SETD5: variants seen among roughly 807,000 people sequenced by gnomAD.
The protein encoded by SETD5 is SET domain containing 5.
A neutral mutation model predicts 153.3 loss-of-function variants in SETD5; 44 were observed. That is an observed-to-expected ratio of 0.29 (90% CI 0.23 to 0.37). SETD5 has a LOEUF of 0.37. SETD5 is among the 10% of genes least tolerant of loss of function. The pLI is 1.00. For missense variants in SETD5, 1,544 were observed against 1,768.0 expected (o/e 0.87, Z 2.27); for synonymous variants, 716 against 645.2 (o/e 1.11, Z -1.66).
chr3:9,398,642 C>T (rs949557094), intron 1 of SETD5: 1 of 152,276 alleles, frequency 6.6e-6, no homozygotes, highest in Admixed American at 6.5e-5. Context: ...TGTCGTTTTA[C>T]TTGCCTTGGG....
intron 17 of SETD5, among the ~76,000 whole-genome samples, chr3:9,455,842 G>A (rs1559456387): frequency 1.3e-5 from 2 of 152,102 alleles, no homozygotes; most frequent in Non-Finnish European, 2.9e-5. Flanking sequence ...CTGGTTGGAA[G>A]GAAATTAGGA....
chr3:9,468,713 G>C, intron 18 of SETD5: 1 of 571,972 alleles, frequency 1.7e-6, no homozygotes, highest in Non-Finnish European at 2.9e-6. Flanking sequence ...GTCACAGTAA[G>C]TTGAATGAGT....
intron 18 of SETD5, 88 bp from the exon 19 acceptor site, chr3:9,470,371 T>C: frequency 2.1e-6 from 2 of 938,852 alleles, no homozygotes; most frequent in South Asian, 3.1e-5. Flanking sequence ...CTTTCCCTGT[T>C]CACCTGTGTC....
chr3:9,447,060 A>T lies in SETD5; in HGVS notation c.1535A>T (p.Asp512Val), dbSNP rs759280451. The T allele has an allele frequency of 1.9e-6, 3 of 1,610,790 alleles. No homozygotes were observed. The highest frequency in any genetic ancestry group is 2.5e-6 in the Non-Finnish European group (3 of 1,178,308). Residue 512 changes from aspartate to valine, a missense_variant, in exon 14 of 23, where the codon GAT becomes GTT. Physicochemically the swap from Asp to Val is radical, Grantham distance 152. Around this residue, in one of 9 missense-constraint regions of SETD5, gnomAD observed 782 missense variants for 787.2 expected, o/e 0.99. Coordinates refer to ENST00000402198, the MANE Select transcript of SETD5 (RefSeq NM_001080517.3). ...ACTATCTCTTTCTAGACCAGGGAAG[A>T]TAGAAAGGTAGAAGCCATCATGCAT... is the stretch of plus-strand genomic sequence containing the variant. The part of the protein sequence containing the change: ...NLAHSRRTRE[D>V]RKVEAIMHAF...
chr3:9,457,854 A>G (rs1335198216), intron 17 of SETD5, among the ~76,000 whole-genome samples: 2 of 150,088 alleles, frequency 1.3e-5, no homozygotes, highest in Admixed American at 6.7e-5. Context: ...CTCTGTCTTT[A>G]TATAGTTCCC....
rs1253802886 is a variant in SETD5, at chr3:9,448,577, G to A, written c.2293G>A (p.Glu765Lys). Reference sequence around the variant, plus strand: ...TCGCTTTGGCTCACCCTTTATCCCTGAGAGACGTCGAAGGCCCCTTCTGCC... The same window carrying A: ...TCGCTTTGGCTCACCCTTTATCCCTAAGAGACGTCGAAGGCCCCTTCTGCC... ...YIRFGSPFIP[E>K]RRRRPLLPDG... is the part of the protein sequence containing the mutation. Residue 765 changes from glutamate to lysine, a missense_variant, in exon 16 of 23, where the codon GAG becomes AAG. Around this residue, in one of 9 missense-constraint regions of SETD5, gnomAD observed 782 missense variants for 787.2 expected, o/e 0.99. Coordinates refer to ENST00000402198, the MANE Select transcript of SETD5 (RefSeq NM_001080517.3). 1.2e-6 allele frequency: 2 copies of A among 1,611,478 alleles called. No individual in the cohort carries two copies. Among genetic ancestry groups the A allele is most frequent in the Non-Finnish European group, 1.7e-6 (2 of 1,178,156 alleles).
chr3:9,441,832 T>G, intron 9 of SETD5, 91 bp downstream of exon 9: 1 of 1,515,656 alleles, frequency 6.6e-7, no homozygotes, highest in Non-Finnish European at 9.1e-7. Context: ...TAAGACGCTC[T>G]TGGGAGAAAA....
At chr3:9,459,713 T>C (rs1388021232) in intron 17 of SETD5, among the ~76,000 whole-genome samples, 1 of 88,588 alleles carries the variant, frequency 1.1e-5, no homozygotes, top group African/African-American at 5.4e-5. Flanking sequence ...CGAGACTCCA[T>C]CAAAAAAAAA....
At chr3:9,445,485 T>G in intron 12 of SETD5, 172 bp from the exon 13 acceptor site, 1 of 907,038 alleles carries the variant, frequency 1.1e-6, no homozygotes, top group Non-Finnish European at 1.7e-6. Flanking sequence ...CTTTGCTGGT[T>G]TTGCACCAGA....
intron 17 of SETD5, among the ~76,000 whole-genome samples, chr3:9,461,602 A>G (rs746215544): frequency 2.0e-5 from 3 of 152,190 alleles, no homozygotes; most frequent in Non-Finnish European, 4.4e-5. Context: ...TAGGCAAATG[A>G]CTTGGCTTTC....
In SETD5 at chr3:9,415,823, C is replaced by T. The variant is rs2037332666; in HGVS notation, c.-176-8644C>T. On this transcript the variant is annotated intron_variant, in intron 1 of 22. Transcript: ENST00000402198. ...AAGTGATTCTCCTAAGTCAGCCTCCCAAAGCGCTAGGATACAGGTGTGAGC... is the reference window on the plus strand; with the variant it reads ...AAGTGATTCTCCTAAGTCAGCCTCCTAAAGCGCTAGGATACAGGTGTGAGC... 5.3e-5 allele frequency among the ~76,000 whole-genome samples: 8 copies of T among 151,256 alleles called. No homozygotes were observed. The South Asian group carries it at 1.7e-3, about 31-fold the overall frequency.
chr3:9,465,175 G>A (rs1468204608), intron 18 of SETD5, among the ~76,000 whole-genome samples: 3 of 152,178 alleles, frequency 2.0e-5, no homozygotes, highest in African/African-American at 4.8e-5. Flanking sequence ...GGCTTATGGC[G>A]AATGTGGGTT....
intron 17 of SETD5, 38 bp downstream of exon 17, chr3:9,453,906 A>G (rs983934020): frequency 4.7e-6 from 7 of 1,479,978 alleles, no homozygotes; most frequent in African/African-American, 2.8e-5. Context: ...ATGACCAATG[A>G]TTGTTTCAGG....
At chr3:9,444,964 C>A in intron 11 of SETD5, 84 bp from the exon 12 acceptor site, 1 of 1,511,326 alleles carries the variant, frequency 6.6e-7, no homozygotes, top group Non-Finnish European at 8.9e-7. Flanking sequence ...AGTTACTGTA[C>A]TGATATTTTA....
chr3:9,453,392 T>A (rs774247806), intron 16 of SETD5, among the ~76,000 whole-genome samples: 4 of 152,204 alleles, frequency 2.6e-5, no homozygotes, highest in Non-Finnish European at 5.9e-5. Flanking sequence ...TTTTATTCTA[T>A]ACGATCACAG....
intron 7 of SETD5, 40 bp from the exon 8 acceptor site, chr3:9,440,416 G>A (rs758072224): frequency 4.7e-5 from 51 of 1,085,484 alleles, no homozygotes; most frequent in South Asian, 2.2e-4. Context: ...CTCTATTTAT[G>A]CATGGACTTT....
At chr3:9,404,741 T>C (rs1314902036) in intron 1 of SETD5, among the ~76,000 whole-genome samples, 1 of 152,222 alleles carries the variant, frequency 6.6e-6, no homozygotes, top group East Asian at 1.9e-4. Flanking sequence ...TCCTATTACC[T>C]GGATCTTGCT....
Position 9,442,251 on chromosome 3 carries a change from A to G in SETD5, c.1077+6A>G, listed in dbSNP as rs1010650693. The G allele has an allele frequency of 1.9e-6, 3 of 1,591,266 alleles. No homozygotes were observed. Among genetic ancestry groups the G allele is most frequent in the Non-Finnish European group, 2.6e-6 (3 of 1,161,770 alleles). On this transcript the variant is annotated splice_donor_region_variant and intron_variant, in intron 10 of 22. Transcript: ENST00000402198. ...CATGTACACCAAATGCAGAGGTAAG[A>G]TATCTGTAGCAACTTCCCTTTGACT...
At chr3:9,422,746 T>C (rs1327766185) in intron 1 of SETD5, among the ~76,000 whole-genome samples, 1 of 152,174 alleles carries the variant, frequency 6.6e-6, no homozygotes, top group Non-Finnish European at 1.5e-5. Flanking sequence ...GGAAGAGAGA[T>C]TTTGGCGTTC....
Sources: gnomAD v4.1 joint callset for allele counts (sites outside exome capture counted in the v4.1 genomes callset) on GRCh38, gnomAD v4.1.1 for gene constraint, gnomAD v4.1.1 regional missense constraint, MANE v1.5 for transcripts, NCBI Gene and HGNC (gene_info 2026-07-23, HGNC 2026-07-21) for gene names.